The following NF1 variants were observed in gnomAD, a reference collection of about 807,000 sequenced individuals.
NF1 encodes neurofibromin.
NF1 carries 122 observed loss-of-function variants against 325.7 expected under a neutral mutation model. That is an observed-to-expected ratio of 0.37 (90% confidence interval 0.32 to 0.44). The LOEUF is 0.44. Ranked by LOEUF, NF1 falls within the 20% of genes least tolerant of loss-of-function variation. The pLI is 1.00. For missense variants in NF1, 2,140 were observed against 3,415.4 expected, an observed-to-expected ratio of 0.63 and a Z score of 9.31; for synonymous variants, 1,091 against 1,186.0, an observed-to-expected ratio of 0.92 and a Z score of 1.65.
chr17:31,130,576 G>A (rs145274528), intron 1 of NF1, among the ~76,000 whole-genome samples: 9 of 151,284 alleles, frequency 5.9e-5, no homozygotes, highest in African/African-American at 2.2e-4. Context: ...TCAGTGGCCG[G>A]TAAGGGGTGG....
intron 36 of NF1, among the ~76,000 whole-genome samples, chr17:31,270,557 C>T (rs2067874211): frequency 6.6e-6 from 1 of 152,088 alleles, no homozygotes; most frequent in Admixed American, 6.6e-5. Context: ...CTGCATTGAG[C>T]CGAGATCACA....
At chr17:31,333,798 C>T (rs1296573702) in intron 39 of NF1, among the ~76,000 whole-genome samples, 1 of 152,062 alleles carries the variant, frequency 6.6e-6, no homozygotes, top group Non-Finnish European at 1.5e-5. Flanking sequence ...ATGGGTAAAG[C>T]CACGGAACTG....
intron 36 of NF1, among the ~76,000 whole-genome samples, chr17:31,311,508 C>T (rs867629290): frequency 4.6e-5 from 7 of 152,032 alleles, no homozygotes; most frequent in Middle Eastern, 3.4e-3. Context: ...GTTTTGAAAC[C>T]GTAAAAGAAA....
At chr17:31,198,879 A>G (rs2066479258) in intron 8 of NF1, among the ~76,000 whole-genome samples, 2 of 152,094 alleles carry the variant, frequency 1.3e-5, no homozygotes, top group African/African-American at 4.8e-5. Context: ...TTGGCTTCCC[A>G]AAGTGCTGGG....
chr17:31,147,765 CTT>C (rs1916678522), intron 1 of NF1, among the ~76,000 whole-genome samples: 3 of 152,186 alleles, frequency 2.0e-5, no homozygotes, highest in Admixed American at 2.0e-4. Context: ...ATTCTGAACT[CTT>C]TTGTCCTCTC....
chr17:31,258,528 T>A, intron 32 of NF1, 26 bp downstream of exon 32: 1 of 1,611,310 alleles, frequency 6.2e-7, no homozygotes, highest in Non-Finnish European at 8.5e-7. Context: ...AATCTAGCTA[T>A]CTTAAATTCC....
intron 39 of NF1, among the ~76,000 whole-genome samples, chr17:31,333,712 G>C (rs147661391): frequency 6.6e-6 from 1 of 152,168 alleles, no homozygotes; most frequent in Non-Finnish European, 1.5e-5. Flanking sequence ...AGATGAAAAG[G>C]TTCTAGAGAT....
intron 5 of NF1, among the ~76,000 whole-genome samples, chr17:31,171,675 A>G (rs914521606): frequency 1.3e-5 from 2 of 152,232 alleles, no homozygotes; most frequent in African/African-American, 4.8e-5. Flanking sequence ...ATAAATATAT[A>G]AAGTATAAAA....
rs1555614832 is a variant in NF1 at position 31,232,113 on chromosome 17, C to T, written c.3238C>T (p.Leu1080=). Reference sequence around the variant, plus strand: ...AAGCATGGAAGCAGTAGTTTCACTTCTAGCTGGTCTCCCTCTGCAGCCTGA... The same window carrying T: ...AAGCATGGAAGCAGTAGTTTCACTTTTAGCTGGTCTCCCTCTGCAGCCTGA... ...QASMEAVVSL[L]AGLPLQPEEG... The change falls in exon 25 of 58, where the codon CTA becomes TTA. Residue 1080 remains leucine (L), a synonymous_variant. Transcript: ENST00000358273. The T allele has an allele frequency of 7.4e-7, 1 of 1,353,066 alleles. No individual in the cohort carries two copies. Among genetic ancestry groups the T allele is most frequent in the Non-Finnish European group, 1.0e-6 (1 of 998,528 alleles). 83.8% of individuals were successfully genotyped at this position (1,353,066 alleles called of 1,614,324 possible).
intron 1 of NF1, among the ~76,000 whole-genome samples, chr17:31,096,254 A>G (rs1598175603): frequency 1.3e-5 from 2 of 151,932 alleles, no homozygotes; most frequent in East Asian, 1.9e-4. Flanking sequence ...GCCACCGACA[A>G]CAGAGCAAAG....
chr17:31,108,198 A>G (rs1341836978), intron 1 of NF1, among the ~76,000 whole-genome samples: 1 of 151,136 alleles, frequency 6.6e-6, no homozygotes, highest in Non-Finnish European at 1.5e-5. Flanking sequence ...CCAGTACAGT[A>G]TACCTATCAA....
chr17:31,160,858 A>AT (rs2065750083), intron 3 of NF1, among the ~76,000 whole-genome samples: 1 of 152,240 alleles, frequency 6.6e-6, no homozygotes, highest in East Asian at 1.9e-4. Flanking sequence ...TGAAATGCTA[A>AT]TAAGTGGGCC....
chr17:31,263,843 A>G (rs1415388807), intron 35 of NF1, among the ~76,000 whole-genome samples: 1 of 152,102 alleles, frequency 6.6e-6, no homozygotes, highest in Non-Finnish European at 1.5e-5. Context: ...TGATATAGAA[A>G]TCTAAAGAAA....
chr17:31,366,295 C>G (rs1435552483), intron 57 of NF1, among the ~76,000 whole-genome samples: 4 of 152,078 alleles, frequency 2.6e-5, no homozygotes, highest in Admixed American at 6.5e-5. Context: ...GCTCATTTTA[C>G]TGTTAGTATT....
chr17:31,360,289 G>T (rs1250023267), intron 56 of NF1, 198 bp from the exon 57 acceptor site: 2 of 596,046 alleles, frequency 3.4e-6, no homozygotes, highest in African/African-American at 3.7e-5. Flanking sequence ...TCATCTGGAA[G>T]CTTTAAGCTG....
chr17:31,349,044 A>C, intron 48 of NF1, 76 bp from the exon 49 acceptor site: 1 of 1,525,688 alleles, frequency 6.6e-7, no homozygotes, highest in Non-Finnish European at 8.8e-7. Flanking sequence ...TTAGTCAGGG[A>C]AGAAGACCTC....
rs2068658353 is a variant in NF1, at chr17:31,304,622, C to T, written c.4836-21198C>T. ...AGATCTGCATCATCTGAAGAAGAAA[C>T]AGCAGTTCCAACTGTTGAACCATCA... On this transcript the variant is annotated intron_variant, in intron 36 of 57. Transcript: ENST00000358273. 3 of 1,614,162 alleles carry T rather than the reference C, an allele frequency of 1.9e-6. No homozygotes were observed. In the Middle Eastern group the frequency reaches 4.9e-4, roughly 266 times the overall value.
In NF1 at chr17:31,374,551, T is replaced by G. The variant is rs1284256898; in HGVS notation, c.*396T>G. On this transcript the variant is annotated 3_prime_UTR_variant, in exon 58 of 58. Coordinates refer to ENST00000358273, the MANE Select transcript of NF1 (RefSeq NM_001042492.3). ...TTCTGTGGTTTTCCCTTCTTCATCC[T>G]ACAGAGTAAAGTGTTAGTCCTATTT... 1 of 391,986 alleles carries G rather than the reference T, an allele frequency of 2.6e-6. No individual in the cohort carries two copies. Among genetic ancestry groups the G allele is most frequent in the African/African-American group, 2.0e-5 (1 of 49,684 alleles). 24.3% of individuals were successfully genotyped at this position (391,986 alleles called of 1,614,324 possible).
rs67332557 is a variant in NF1, at chr17:31,154,053, A to ATTT, written c.61-1906_61-1904dup. 3.3e-3 allele frequency among the ~76,000 whole-genome samples: 176 copies of ATTT among 52,728 alleles called. 19 individuals carry two copies. Among genetic ancestry groups the ATTT allele is most frequent in the African/African-American group, 0.012 (152 of 13,212 alleles). The allele number at this position is 52,728 out of a possible 152,430, so 34.6% of individuals were successfully genotyped here. A position where few individuals can be genotyped will look rare whatever the true frequency, so the allele number is the denominator to read the frequency against. On this transcript the variant is annotated intron_variant, in intron 1 of 57. Transcript: ENST00000358273. The stretch of plus-strand genomic sequence containing the variant: ...TACTAGAGAAGTTCTAGTTTCTTTG[A>ATTT]TTTTTTTTTTTTTTTTTTTTTTTTT...
Sources: gnomAD v4.1 joint callset for allele counts (sites outside exome capture counted in the v4.1 genomes callset) on GRCh38, gnomAD v4.1.1 for gene constraint, MANE v1.5 for transcripts, NCBI Gene and HGNC (gene_info 2026-07-23, HGNC 2026-07-21) for gene names.